DOK5: variants seen among roughly 807,000 people sequenced by gnomAD.
DOK5 encodes docking protein 5.
A neutral mutation model predicts 43.3 loss-of-function variants in DOK5; 27 were observed. That is an observed-to-expected ratio of 0.62 (90% CI 0.46 to 0.86). The LOEUF (loss-of-function observed/expected upper bound fraction) is 0.86, where lower values mean the gene tolerates loss of function less well. Ranked by LOEUF, DOK5 falls within the 40% of genes least tolerant of loss-of-function variation. The pLI is 0.00. For synonymous variants in DOK5, 146 were observed against 140.1 expected (o/e 1.04, Z -0.30); for missense variants, 373 against 392.9 (o/e 0.95, Z 0.43).
chr20:54,643,437 C>G (rs2146830580), intron 6 of DOK5, 21 bp from the exon 7 acceptor site: 1 of 1,612,316 alleles, frequency 6.2e-7, no homozygotes. Flanking sequence ...TGACGCACAA[C>G]TTTCTTCCCT....
intron 1 of DOK5, among the ~76,000 whole-genome samples, chr20:54,496,664 G>A (rs111674973): frequency 6.6e-6 from 1 of 151,132 alleles, no homozygotes; most frequent in South Asian, 2.1e-4. Flanking sequence ...TACTTGGGAG[G>A]CTGAGGCAGG....
Position 54,607,403 on chromosome 20 carries a change from GGTGTGT to G in DOK5, c.600-2956_600-2951del, listed in dbSNP as rs10684906. Among the ~76,000 whole-genome samples, 422 of 145,632 alleles carry G rather than the reference GGTGTGT, an allele frequency of 2.9e-3. 2 individuals carry two copies. Among genetic ancestry groups the G allele is most frequent in the African/African-American group, 0.01 (402 of 39,318 alleles). On this transcript the variant is annotated intron_variant, in intron 5 of 7. Transcript: ENST00000262593. The stretch of plus-strand genomic sequence containing the variant: ...CTGTTGTTTTCTGTTAGTGGTAAGT[GGTGTGT>G]GTGTGTGTGTGTGTGTGTGTGTGTG...
At chr20:54,646,371 A>G (rs1171415641) in intron 7 of DOK5, among the ~76,000 whole-genome samples, 5 of 146,396 alleles carry the variant, frequency 3.4e-5, no homozygotes, top group Admixed American at 2.2e-4. Context: ...CTCCTGCCTT[A>G]GCCTACCAAA....
chr20:54,608,831 G>T (rs1418031798), intron 5 of DOK5, among the ~76,000 whole-genome samples: 2 of 151,900 alleles, frequency 1.3e-5, no homozygotes, highest in African/African-American at 4.8e-5. Context: ...CCCACACCAT[G>T]CCTGGCTAAG....
intron 6 of DOK5, among the ~76,000 whole-genome samples, chr20:54,618,018 C>T (rs912883856): frequency 1.3e-5 from 2 of 152,122 alleles, no homozygotes; most frequent in Admixed American, 6.5e-5. Flanking sequence ...TATTGAGAAC[C>T]TACTATGTTC....
intron 1 of DOK5, among the ~76,000 whole-genome samples, chr20:54,514,189 C>T (rs1983111314): frequency 1.3e-5 from 2 of 152,172 alleles, no homozygotes; most frequent in South Asian, 4.1e-4. Flanking sequence ...TTTGGAGTCT[C>T]CCCTGGGATG....
chr20:54,477,879 G>A (rs991815830), intron 1 of DOK5, among the ~76,000 whole-genome samples: 3 of 152,190 alleles, frequency 2.0e-5, no homozygotes, highest in Non-Finnish European at 2.9e-5. Flanking sequence ...TGTGGTAACT[G>A]AGATTATTTT....
chr20:54,548,324 TC>T (rs1984414356), intron 1 of DOK5, among the ~76,000 whole-genome samples: 3 of 151,990 alleles, frequency 2.0e-5, no homozygotes, highest in Non-Finnish European at 4.4e-5. Flanking sequence ...AGCCTCCACT[TC>T]CCTGGGCTCA....
At chr20:54,628,176 T>C (rs1030349499) in intron 6 of DOK5, among the ~76,000 whole-genome samples, 8 of 152,000 alleles carry the variant, frequency 5.3e-5, no homozygotes, top group African/African-American at 1.9e-4. Context: ...AAGAACAAGT[T>C]GTAAGTGATT....
At chr20:54,496,497 G>T (rs925126355) in intron 1 of DOK5, among the ~76,000 whole-genome samples, 1 of 152,188 alleles carries the variant, frequency 6.6e-6, no homozygotes, top group African/African-American at 2.4e-5. Flanking sequence ...GCTGAGCACG[G>T]TGGCTCATGC....
chr20:54,651,158 A>AT lies in DOK5; in HGVS notation c.*681dup, dbSNP rs1729101309. ...ATAAAACATTTGAAAATAAAAGATC[A>AT]TTCTTCACCCATATGTTCTTTGGAT... On this transcript the variant is annotated 3_prime_UTR_variant, in exon 8 of 8. Coordinates refer to ENST00000262593, the MANE Select transcript of DOK5 (RefSeq NM_018431.5). 6.6e-6 allele frequency: 1 copy of AT among 152,188 alleles called. No homozygotes were observed. The highest frequency in any genetic ancestry group is 1.9e-4 in the East Asian group (1 of 5,200). The allele number at this position is 152,188 out of a possible 1,614,324, so 9.4% of individuals were successfully genotyped here.
chr20:54,645,286 C>A (rs1269732815), intron 7 of DOK5, among the ~76,000 whole-genome samples: 1 of 147,242 alleles, frequency 6.8e-6, no homozygotes, highest in East Asian at 2.0e-4. Context: ...CCGCTCTGAA[C>A]CCTCAGTCCT....
At chr20:54,562,695 G>C (rs1246201899) in intron 2 of DOK5, among the ~76,000 whole-genome samples, 1 of 152,022 alleles carries the variant, frequency 6.6e-6, no homozygotes. Context: ...TGGGATTACA[G>C]GCACGAGCCA....
intron 5 of DOK5, among the ~76,000 whole-genome samples, chr20:54,609,697 T>A (rs914669072): frequency 3.9e-5 from 6 of 152,336 alleles, no homozygotes; most frequent in Admixed American, 2.0e-4. Flanking sequence ...AATTTATTTC[T>A]CTTTGTTTAC....
chr20:54,529,050 G>A (rs1000757551), intron 1 of DOK5, among the ~76,000 whole-genome samples: 1 of 152,082 alleles, frequency 6.6e-6, no homozygotes, highest in African/African-American at 2.4e-5. Flanking sequence ...TCCTGAGCAG[G>A]GAGAGACAAC....
chr20:54,528,839 A>T (rs1983667306), intron 1 of DOK5, among the ~76,000 whole-genome samples: 1 of 152,198 alleles, frequency 6.6e-6, no homozygotes, highest in South Asian at 2.1e-4. Context: ...TGTATTTTAA[A>T]ATAATGAGTT....
intron 5 of DOK5, among the ~76,000 whole-genome samples, chr20:54,603,330 AG>A (rs1265626300): frequency 6.6e-6 from 1 of 152,248 alleles, no homozygotes; most frequent in African/African-American, 2.4e-5. Context: ...ACGGGGCACT[AG>A]GAGAATAGAC....
intron 2 of DOK5, among the ~76,000 whole-genome samples, chr20:54,573,154 G>A (rs991753958): frequency 3.3e-5 from 5 of 152,138 alleles, no homozygotes; most frequent in Admixed American, 1.3e-4. Flanking sequence ...GGAAGGAGAG[G>A]GTTGCAGTTT....
chr20:54,555,333 G>T, intron 2 of DOK5: 1 of 259,918 alleles, frequency 3.8e-6, no homozygotes, highest in Admixed American at 4.6e-5. Context: ...AGAGGATGAG[G>T]ACTGGATCTC....
Sources: allele counts gnomAD v4.1 joint callset (sites outside exome capture counted in the v4.1 genomes callset), GRCh38; gene constraint gnomAD v4.1.1; transcripts MANE v1.5; gene names NCBI Gene and HGNC (gene_info 2026-07-23, HGNC 2026-07-21).